The following TNRC6C variants were observed in gnomAD, a reference collection of about 807,000 sequenced individuals.
TNRC6C encodes trinucleotide repeat containing adaptor 6C.
A neutral mutation model predicts 153.7 loss-of-function variants in TNRC6C; 20 were observed. That is an observed-to-expected ratio of 0.13 (90% CI 0.09 to 0.19). TNRC6C has a LOEUF of 0.19. Among genes scored for constraint, TNRC6C ranks in the 10% least tolerant of loss-of-function variants. The probability of loss-of-function intolerance (pLI) is 1.00; values close to 1 mark genes in which losing one functional copy is unlikely to be tolerated. For synonymous variants in TNRC6C, 811 were observed against 841.4 expected (o/e 0.96, Z 0.63); for missense variants, 1,987 against 2,172.0 (o/e 0.91, Z 1.69).
At chr17:78,100,824 G>A (rs370148948) in intron 17 of TNRC6C, among the ~76,000 whole-genome samples, 17 of 141,016 alleles carry the variant, frequency 1.2e-4, no homozygotes, top group African/African-American at 3.2e-4. Context: ...CACCCAGGCC[G>A]GAGTACAGTG....
At chr17:77,968,317 C>A (rs1189337985) in intron 1 of TNRC6C, among the ~76,000 whole-genome samples, 1 of 151,820 alleles carries the variant, frequency 6.6e-6, no homozygotes, top group Non-Finnish European at 1.5e-5. Context: ...CAGGCGTCAG[C>A]CACCGCGCCT....
chr17:78,100,327 C>A (rs1045807230), intron 17 of TNRC6C, among the ~76,000 whole-genome samples: 2 of 152,258 alleles, frequency 1.3e-5, no homozygotes, highest in African/African-American at 4.8e-5. Flanking sequence ...CCCTGCCCCA[C>A]AGCAAAGTAT....
At chr17:78,038,736 A>G (rs1227899404) in intron 2 of TNRC6C, among the ~76,000 whole-genome samples, 1 of 152,068 alleles carries the variant, frequency 6.6e-6, no homozygotes, top group Non-Finnish European at 1.5e-5. Context: ...AAATGGAAAC[A>G]GCATTGATAG....
chr17:77,980,137 G>A (rs72894026), intron 1 of TNRC6C, among the ~76,000 whole-genome samples: 2,147 of 152,280 alleles, frequency 0.014, 19 homozygotes, highest in Non-Finnish European at 0.024. Context: ...AAAGAGCACT[G>A]GAAAGGATAG....
At chr17:78,057,809 T>C (rs2072688787) in intron 3 of TNRC6C, among the ~76,000 whole-genome samples, 1 of 151,188 alleles carries the variant, frequency 6.6e-6, no homozygotes, top group African/African-American at 2.4e-5. Context: ...TAAAATATGA[T>C]TTCTGAATTA....
At chr17:78,070,132 G>A (rs969365018) in intron 5 of TNRC6C, among the ~76,000 whole-genome samples, 2 of 152,286 alleles carry the variant, frequency 1.3e-5, no homozygotes, top group South Asian at 4.1e-4. Flanking sequence ...ATGAGGAGTA[G>A]AAGTGATTAC....
At chr17:77,957,695 G>A (rs1273602998), upstream of TNRC6C, among the ~76,000 whole-genome samples, 3 of 152,240 alleles carry the variant, frequency 2.0e-5, no homozygotes, top group African/African-American at 7.2e-5. Flanking sequence ...GCATGAAAAT[G>A]GAGAAAATTC....
chr17:77,985,567 A>C (rs992983663), intron 1 of TNRC6C, among the ~76,000 whole-genome samples: 1 of 149,274 alleles, frequency 6.7e-6, no homozygotes, highest in African/African-American at 2.5e-5. Context: ...GCGCCACTGC[A>C]CTCCAGCCTG....
upstream of TNRC6C, among the ~76,000 whole-genome samples, chr17:78,002,258 A>G (rs2071424100): frequency 6.6e-6 from 1 of 152,178 alleles, no homozygotes; most frequent in South Asian, 2.1e-4. Context: ...GAGATTATAT[A>G]CCAGAAATTG....
chr17:78,011,575 TTCA>T (rs1189021705), intron 1 of TNRC6C, among the ~76,000 whole-genome samples: 1 of 152,246 alleles, frequency 6.6e-6, no homozygotes, highest in East Asian at 1.9e-4. Flanking sequence ...ATTTATCCTC[TTCA>T]TTCTCCTGTT....
At chr17:78,103,594 C>T (rs761632136) in intron 19 of TNRC6C, 41 bp downstream of exon 22, 8 of 1,612,214 alleles carry the variant, frequency 5.0e-6, no homozygotes, top group Non-Finnish European at 6.8e-6. Context: ...CAAGTAGCTC[C>T]CCATCCCCCA....
At chr17:78,094,825 T>C (rs1174686575) in intron 16 of TNRC6C, among the ~76,000 whole-genome samples, 1 of 152,250 alleles carries the variant, frequency 6.6e-6, no homozygotes, top group East Asian at 1.9e-4. Context: ...TTGCCCTTTC[T>C]GTTTAATGCT....
At chr17:78,035,341 C>T (rs1567926965) in intron 2 of TNRC6C, among the ~76,000 whole-genome samples, 1 of 152,202 alleles carries the variant, frequency 6.6e-6, no homozygotes, top group Admixed American at 6.5e-5. Context: ...ATCACCTTCA[C>T]TCCCTGTACT....
intron 1 of TNRC6C, among the ~76,000 whole-genome samples, chr17:77,969,971 G>A (rs1415313333): frequency 6.6e-6 from 1 of 152,160 alleles, no homozygotes; most frequent in Non-Finnish European, 1.5e-5. Context: ...AGCTGCCTTT[G>A]ATAACTCATG....
In TNRC6C at chr17:78,104,638, C is replaced by A. The variant is rs1026126725; in HGVS notation, c.4866C>A (p.Ser1622=). 1 of 1,547,844 alleles carries A rather than the reference C, an allele frequency of 6.5e-7. No individual in the cohort carries two copies. The highest frequency in any genetic ancestry group is 2.0e-5 in the Admixed American group (1 of 51,040). The change falls in exon 20 of 20, where the codon TCC becomes TCA. Residue 1622 remains serine, a synonymous_variant. Transcript: ENST00000301624. This position sits in a 1 kb window ranked among gnomAD's most constrained non-coding sequence, Gnocchi z 6.2. ...CGCGGCTCAGCGCAGCGGGCAGCTCCCATGGCCTGGTACGCAGCGACGCTG... is the reference window on the plus strand; with the variant it reads ...CGCGGCTCAGCGCAGCGGGCAGCTCACATGGCCTGGTACGCAGCGACGCTG...
chr17:77,998,143 C>T (rs1481127628), intron 1 of TNRC6C, among the ~76,000 whole-genome samples: 1 of 152,146 alleles, frequency 6.6e-6, no homozygotes, highest in Admixed American at 6.5e-5. Flanking sequence ...AAACAACTCC[C>T]TTGCACTGCC....
Position 78,079,350 on chromosome 17 carries a change from T to C in TNRC6C, c.3211-45T>C. Reference sequence around the variant, plus strand: ...TCACCCTACCTCCAAACAATGTTACTCTAATGCCTGCCTTGGTAACGTGTT... The same window carrying C: ...TCACCCTACCTCCAAACAATGTTACCCTAATGCCTGCCTTGGTAACGTGTT... On this transcript the variant is annotated intron_variant, in intron 9 of 19. Coordinates refer to ENST00000301624, the Ensembl canonical transcript of TNRC6C. The surrounding 1 kb of genome is among the most constrained non-coding windows in gnomAD (Gnocchi z 4.3). 2 of 1,604,076 alleles carry C rather than the reference T, an allele frequency of 1.2e-6. No individual in the cohort carries two copies. The highest frequency in any genetic ancestry group is 1.7e-6 in the Non-Finnish European group (2 of 1,171,888).
At chr17:78,067,360 A>G (rs1598751673) in intron 4 of TNRC6C, among the ~76,000 whole-genome samples, 1 of 152,130 alleles carries the variant, frequency 6.6e-6, no homozygotes, top group South Asian at 2.1e-4. Context: ...AAAAAAACCT[A>G]CAAATTTTAA....
At chr17:78,047,886 T>C (rs1335271803) in intron 2 of TNRC6C, among the ~76,000 whole-genome samples, 1 of 152,206 alleles carries the variant, frequency 6.6e-6, no homozygotes, top group Non-Finnish European at 1.5e-5. Context: ...TAAGTTTGAC[T>C]GCAATGTTGG....
Sources: gnomAD v4.1 joint callset for allele counts (sites outside exome capture counted in the v4.1 genomes callset) on GRCh38, gnomAD v4.1.1 for gene constraint, Gnocchi (gnomAD v3.1) non-coding constraint, MANE v1.5 for transcripts, NCBI Gene and HGNC (gene_info 2026-07-23, HGNC 2026-07-21) for gene names.